IGFBP2: variants seen among roughly 807,000 people sequenced by gnomAD.
IGFBP2 encodes the protein insulin like growth factor binding protein 2, also known as insulin-like growth factor-binding protein 2.
A neutral mutation model predicts 26.2 loss-of-function variants in IGFBP2; 12 were observed. The ratio of observed to expected loss-of-function variants is 0.46; its 90% CI spans 0.29 to 0.74. The LOEUF (loss-of-function observed/expected upper bound fraction) is 0.74. IGFBP2 is among the 30% of genes least tolerant of loss of function. The pLI is 0.09. For missense variants in IGFBP2, 328 were observed against 441.2 expected, an observed-to-expected ratio of 0.74 and a Z score of 2.30; for synonymous variants, 189 against 200.6, an observed-to-expected ratio of 0.94 and a Z score of 0.49.
At chr2:216,651,396 C>G (rs1331083648) in intron 1 of IGFBP2, among the ~76,000 whole-genome samples, 1 of 152,198 alleles carries the variant, frequency 6.6e-6, no homozygotes, top group Non-Finnish European at 1.5e-5. Flanking sequence ...CTTGTATGTG[C>G]TGGCGTGTTT....
At chr2:216,642,370 G>A (rs1301684548) in intron 1 of IGFBP2, among the ~76,000 whole-genome samples, 5 of 147,462 alleles carry the variant, frequency 3.4e-5, no homozygotes, top group African/African-American at 1.0e-4. Flanking sequence ...GCAGTGGCGC[G>A]ATCTCGGCTC....
At chr2:216,656,979 G>A (rs768271522) in intron 1 of IGFBP2, among the ~76,000 whole-genome samples, 1 of 152,108 alleles carries the variant, frequency 6.6e-6, no homozygotes, top group Non-Finnish European at 1.5e-5. Flanking sequence ...GGTAGGGTGC[G>A]GTAAGCAGGG....
intron 1 of IGFBP2, among the ~76,000 whole-genome samples, chr2:216,656,320 G>T (rs1697922438): frequency 6.6e-6 from 1 of 152,246 alleles, no homozygotes; most frequent in Non-Finnish European, 1.5e-5. Context: ...CTGCCCCCAA[G>T]AAACTGTGGA....
intron 1 of IGFBP2, among the ~76,000 whole-genome samples, chr2:216,647,646 A>G (rs1697736283): frequency 2.0e-5 from 3 of 151,924 alleles, no homozygotes. Flanking sequence ...CAGCCTCCTG[A>G]GTAGCTGGGA....
chr2:216,633,757 C>T lies in IGFBP2; in HGVS notation c.234C>T (p.Leu78=), dbSNP rs770351586. 6 of 1,335,682 alleles carry T rather than the reference C, an allele frequency of 4.5e-6. 1 individual carries two copies. The South Asian group carries it at 1.2e-4, about 26-fold the overall frequency. 82.7% of individuals were successfully genotyped at this position (1,335,682 alleles called of 1,614,324 possible). Residue 78 remains leucine, a synonymous_variant, in exon 1 of 4, where the codon CTC becomes CTT. Transcript: ENST00000233809. ...GCGCCCGCATGCCATGCGCGGAGCTCGTCCGGGAGCCGGGCTGCGGCTGCT... is the reference window on the plus strand; with the variant it reads ...GCGCCCGCATGCCATGCGCGGAGCTTGTCCGGGAGCCGGGCTGCGGCTGCT... The part of the protein sequence containing the change: ...AGGARMPCAE[L]VREPGCGCCS...
At chr2:216,653,710 G>A (rs1425013611) in intron 1 of IGFBP2, among the ~76,000 whole-genome samples, 2 of 152,160 alleles carry the variant, frequency 1.3e-5, no homozygotes, top group African/African-American at 4.8e-5. Flanking sequence ...ACCCAAGGCA[G>A]GGGTGGGAGT....
chr2:216,646,070 CACTT>C (rs1386549001), intron 1 of IGFBP2, among the ~76,000 whole-genome samples: 1 of 152,180 alleles, frequency 6.6e-6, no homozygotes, highest in Non-Finnish European at 1.5e-5. Context: ...TATTTAAAGA[CACTT>C]ATTTATATTC....
At chr2:216,632,933 A>T (rs932035974), upstream of IGFBP2, 3 of 152,216 alleles carry the variant, frequency 2.0e-5, no homozygotes, top group East Asian at 5.8e-4. Flanking sequence ...ACAAGAAGTC[A>T]TTGTTCCAAG....
At chr2:216,652,816 A>G (rs983109613) in intron 1 of IGFBP2, among the ~76,000 whole-genome samples, 2 of 152,194 alleles carry the variant, frequency 1.3e-5, no homozygotes, top group Non-Finnish European at 2.9e-5. Context: ...GCCAGCCTTC[A>G]TTCCCCTGGC....
At chr2:216,655,505 G>A (rs1401579378) in intron 1 of IGFBP2, among the ~76,000 whole-genome samples, 1 of 152,302 alleles carries the variant, frequency 6.6e-6, no homozygotes, top group Non-Finnish European at 1.5e-5. Context: ...ACGATTGTGA[G>A]TTTCCTGAGG....
intron 1 of IGFBP2, among the ~76,000 whole-genome samples, chr2:216,653,848 G>A (rs150639936): frequency 3.9e-4 from 60 of 152,224 alleles, no homozygotes; most frequent in African/African-American, 1.4e-3. Flanking sequence ...CATTTCCCTA[G>A]GTGCTATGTA....
At chr2:216,653,497 G>T (rs371578051) in intron 1 of IGFBP2, among the ~76,000 whole-genome samples, 1 of 152,206 alleles carries the variant, frequency 6.6e-6, no homozygotes, top group Non-Finnish European at 1.5e-5. Context: ...GTAAGGGTGG[G>T]CCAAAAGACA....
chr2:216,640,517 C>T (rs900739370), intron 1 of IGFBP2, among the ~76,000 whole-genome samples: 3 of 152,122 alleles, frequency 2.0e-5, no homozygotes, highest in Non-Finnish European at 4.4e-5. Flanking sequence ...ATTGGTGGTG[C>T]TCGCATCTGT....
chr2:216,660,604 G>C lies in IGFBP2; in HGVS notation c.490G>C (p.Asp164His). The change falls in exon 2 of 4, where the codon GAC becomes CAC. Residue 164 changes from aspartate (D) to histidine (H), a missense_variant. Transcript: ENST00000233809. Reference sequence around the variant, plus strand: ...AGGAGGCCTGGTGGAGAACCACGTGGACAGCACCATGAACATGTTGGGCGG... The same window carrying C: ...AGGAGGCCTGGTGGAGAACCACGTGCACAGCACCATGAACATGTTGGGCGG... ...SEGGLVENHV[D>H]STMNMLGGGG... The C allele has an allele frequency of 6.2e-7, 1 of 1,613,908 alleles. No individual in the cohort carries two copies. Among genetic ancestry groups the C allele is most frequent in the Non-Finnish European group, 8.5e-7 (1 of 1,179,956 alleles).
At chr2:216,661,428 G>T (rs1406808745) in intron 2 of IGFBP2, 4 of 331,174 alleles carry the variant, frequency 1.2e-5, no homozygotes, top group African/African-American at 2.2e-5. Context: ...GTTGCCATAT[G>T]CTTCTCTCAC....
At chr2:216,651,330 C>G (rs781141564) in intron 1 of IGFBP2, among the ~76,000 whole-genome samples, 2 of 152,142 alleles carry the variant, frequency 1.3e-5, no homozygotes, top group East Asian at 3.8e-4. Flanking sequence ...GTTTGGTGAC[C>G]ACCATCAGCC....
intron 1 of IGFBP2, 114 bp from the exon 2 acceptor site, chr2:216,660,443 A>T (rs1426810276): frequency 1.4e-6 from 1 of 718,706 alleles, no homozygotes; most frequent in Non-Finnish European, 2.3e-6. Flanking sequence ...ATCAGCACTC[A>T]TTAGCCGCGC....
chr2:216,637,271 A>G (rs1053198573), intron 1 of IGFBP2, among the ~76,000 whole-genome samples: 1 of 152,100 alleles, frequency 6.6e-6, no homozygotes, highest in Admixed American at 6.6e-5. Flanking sequence ...ACCAGTCACC[A>G]CTGTTCATGA....
chr2:216,638,824 C>G (rs991721256), intron 1 of IGFBP2, among the ~76,000 whole-genome samples: 4 of 151,100 alleles, frequency 2.6e-5, no homozygotes, highest in African/African-American at 9.7e-5. Flanking sequence ...CTCAGCCTCC[C>G]GAGTAGTTGG....
Sources: gnomAD v4.1 joint callset for allele counts (sites outside exome capture counted in the v4.1 genomes callset) on GRCh38, gnomAD v4.1.1 for gene constraint, MANE v1.5 for transcripts, NCBI Gene and HGNC (gene_info 2026-07-23, HGNC 2026-07-21) for gene names.